Variants in DPP10 observed in about 807,000 individuals in gnomAD.
DPP10 encodes the protein dipeptidyl peptidase like 10.
Under a neutral mutation model 120.9 loss-of-function variants are expected in DPP10, and 33 were observed. The observed-to-expected ratio is 0.27, with a 90% CI of 0.21 to 0.37. The LOEUF is 0.37. Ranked by LOEUF, DPP10 falls within the 10% of genes least tolerant of loss-of-function variation. DPP10 has a pLI of 1.00. For missense variants in DPP10, 816 were observed against 942.8 expected (o/e 0.87, Z 1.76); for synonymous variants, 337 against 326.1 (o/e 1.03, Z -0.36).
At chr2:115,820,372 G>A (rs1287817838) in intron 21 of DPP10, among the ~76,000 whole-genome samples, 1 of 150,642 alleles carries the variant, frequency 6.6e-6, no homozygotes, top group African/African-American at 2.4e-5. Context: ...CATTTTATGA[G>A]CCTATCAGTT....
intron 7 of DPP10, among the ~76,000 whole-genome samples, chr2:115,716,717 C>T (rs1358818634): frequency 6.7e-6 from 1 of 148,774 alleles, no homozygotes; most frequent in Non-Finnish European, 1.5e-5. Context: ...ATTGCAAAAA[C>T]AAACAAACAA....
chr2:114,737,288 C>G (rs963507408), intron 1 of DPP10, among the ~76,000 whole-genome samples: 4 of 152,182 alleles, frequency 2.6e-5, no homozygotes, highest in Non-Finnish European at 4.4e-5. Flanking sequence ...GGTAGAAGGT[C>G]TTGAGCTGTA....
chr2:115,128,459 T>G (rs1251580788), intron 1 of DPP10, among the ~76,000 whole-genome samples: 1 of 152,204 alleles, frequency 6.6e-6, no homozygotes, highest in Non-Finnish European at 1.5e-5. Context: ...TTGTTAAATA[T>G]TTCCTCATAA....
At chr2:115,077,410 A>G (rs1707895834) in intron 1 of DPP10, among the ~76,000 whole-genome samples, 3 of 152,216 alleles carry the variant, frequency 2.0e-5, no homozygotes. Flanking sequence ...CCTTGTGTGG[A>G]TCAAATACAT....
chr2:115,254,182 T>C (rs1386565586), intron 1 of DPP10, among the ~76,000 whole-genome samples: 1 of 152,178 alleles, frequency 6.6e-6, no homozygotes, highest in East Asian at 1.9e-4. Flanking sequence ...ACAGAATTGC[T>C]GGGGTGGCCT....
At chr2:115,276,305 C>G (rs1473971177) in intron 1 of DPP10, among the ~76,000 whole-genome samples, 2 of 151,984 alleles carry the variant, frequency 1.3e-5, no homozygotes. Context: ...TTGTATCAGT[C>G]AAAAGGATAA....
intron 13 of DPP10, among the ~76,000 whole-genome samples, chr2:115,774,213 C>G (rs946619181): frequency 7.1e-6 from 1 of 141,324 alleles, no homozygotes; most frequent in South Asian, 2.3e-4. Flanking sequence ...CACACATACA[C>G]ACACACACAC....
chr2:115,344,959 G>T (rs1332839207), intron 3 of DPP10, among the ~76,000 whole-genome samples: 1 of 152,054 alleles, frequency 6.6e-6, no homozygotes, highest in Non-Finnish European at 1.5e-5. Context: ...TATTTATGCT[G>T]GTGAATTAAA....
intron 5 of DPP10, among the ~76,000 whole-genome samples, chr2:115,533,929 T>C (rs2078628903): frequency 6.6e-6 from 1 of 151,974 alleles, no homozygotes; most frequent in Non-Finnish European, 1.5e-5. Context: ...GGAATATTTC[T>C]TTTGGGTTAA....
intron 3 of DPP10, among the ~76,000 whole-genome samples, chr2:115,364,521 G>A (rs1203841696): frequency 1.3e-5 from 2 of 151,362 alleles, no homozygotes; most frequent in Non-Finnish European, 2.9e-5. Context: ...TACTAATTTT[G>A]TCTGGAATAT....
At chr2:115,732,240 G>T (rs566011958) in intron 8 of DPP10, among the ~76,000 whole-genome samples, 1 of 152,126 alleles carries the variant, frequency 6.6e-6, no homozygotes. Context: ...AAAAAAAGAT[G>T]AGAGAAAGAG....
At chr2:114,481,567 C>T (rs945757583) in intron 1 of DPP10, among the ~76,000 whole-genome samples, 1 of 152,062 alleles carries the variant, frequency 6.6e-6, no homozygotes, top group South Asian at 2.1e-4. Context: ...AACCTGTACA[C>T]AATAGCTTTA....
Position 115,689,590 on chromosome 2 carries a change from C to T in DPP10, c.442-97C>T, listed in dbSNP as rs188292416. On this transcript the variant is annotated intron_variant, in intron 5 of 25. Transcript: ENST00000410059. ...TTTATATTTTCATTTCTGCCTAACA[C>T]CAATTCTTGGATTACCTGGATGTTA... is the stretch of plus-strand genomic sequence containing the variant. The T allele has an allele frequency of 3.6e-4, 294 of 824,194 alleles. 3 individuals are homozygous for T. The highest frequency in any genetic ancestry group is 2.6e-3 in the Middle Eastern group (7 of 2,682). 51.1% of individuals were successfully genotyped at this position (824,194 alleles called of 1,614,324 possible). A position where few individuals can be genotyped will look rare whatever the true frequency, so the allele number is the denominator to read the frequency against.
chr2:115,372,802 G>T (rs2065506145), intron 3 of DPP10, among the ~76,000 whole-genome samples: 1 of 152,190 alleles, frequency 6.6e-6, no homozygotes, highest in African/African-American at 2.4e-5. Context: ...TAGGGAGAAT[G>T]AGTGCAGTTA....
intron 1 of DPP10, among the ~76,000 whole-genome samples, chr2:114,578,780 A>G (rs1033920642): frequency 6.6e-6 from 1 of 152,204 alleles, no homozygotes; most frequent in Admixed American, 6.5e-5. Context: ...TTCATCTTCA[A>G]TTATAACCTG....
intron 1 of DPP10, among the ~76,000 whole-genome samples, chr2:114,673,973 T>TATTTATAC (rs1698511199): frequency 6.6e-6 from 1 of 152,154 alleles, no homozygotes; most frequent in East Asian, 1.9e-4. Context: ...TTTCATGAAT[T>TATTTATAC]ATTTATACTC....
chr2:114,646,725 G>A (rs1376847917), intron 1 of DPP10, among the ~76,000 whole-genome samples: 1 of 152,108 alleles, frequency 6.6e-6, no homozygotes, highest in Non-Finnish European at 1.5e-5. Context: ...AGTATTTTAT[G>A]TCTGCATCTT....
At chr2:114,611,072 A>G (rs993433658) in intron 1 of DPP10, among the ~76,000 whole-genome samples, 1 of 152,052 alleles carries the variant, frequency 6.6e-6, no homozygotes, top group Non-Finnish European at 1.5e-5. Context: ...CGCTACCTAC[A>G]CTATACTTAA....
intron 1 of DPP10, among the ~76,000 whole-genome samples, chr2:114,449,011 G>T (rs1678103406): frequency 6.6e-6 from 1 of 152,154 alleles, no homozygotes; most frequent in South Asian, 2.1e-4. Context: ...ATTTCTCAAA[G>T]AAGTATACTG....
Sources: allele counts gnomAD v4.1 joint callset (sites outside exome capture counted in the v4.1 genomes callset), GRCh38; gene constraint gnomAD v4.1.1; transcripts MANE v1.5; gene names NCBI Gene and HGNC (gene_info 2026-07-23, HGNC 2026-07-21).